KCNMA1: variants seen among roughly 807,000 people sequenced by gnomAD.
KCNMA1 encodes potassium calcium-activated channel subfamily M alpha 1.
KCNMA1 carries 29 observed loss-of-function variants against 140.0 expected under a neutral mutation model. The observed-to-expected ratio is 0.21, with a 90% confidence interval of 0.15 to 0.28. The LOEUF is 0.28. Ranked by LOEUF, KCNMA1 falls within the 10% of genes least tolerant of loss-of-function variation. The pLI is 1.00. For synonymous variants in KCNMA1, 612 were observed against 611.9 expected (o/e 1.00, Z 0.00); for missense variants, 880 against 1,602.2 (o/e 0.55, Z 7.70).
intron 19 of KCNMA1, 34 bp from the exon 20 acceptor site, chr10:76,970,101 A>T (rs1447666108): frequency 6.4e-7 from 1 of 1,551,722 alleles, no homozygotes; most frequent in Non-Finnish European, 8.9e-7. Context: ...GATTATGAAC[A>T]GTTTGAGGGC....
intron 1 of KCNMA1, among the ~76,000 whole-genome samples, chr10:77,561,727 A>C (rs2066466160): frequency 6.6e-6 from 1 of 152,188 alleles, no homozygotes; most frequent in African/African-American, 2.4e-5. Context: ...TATGCTGGAA[A>C]CTGAGCCATT....
intron 5 of KCNMA1, among the ~76,000 whole-genome samples, chr10:77,172,952 T>G (rs2098721343): frequency 6.6e-6 from 1 of 152,062 alleles, no homozygotes; most frequent in Admixed American, 6.5e-5. Flanking sequence ...GCTTCTTTCA[T>G]AAGGGCACCA....
At chr10:76,945,569 T>C (rs1292920517) in intron 22 of KCNMA1, among the ~76,000 whole-genome samples, 3 of 152,180 alleles carry the variant, frequency 2.0e-5, no homozygotes, top group African/African-American at 4.8e-5. Flanking sequence ...CTTCAGATCA[T>C]ATAATTTTAT....
intron 2 of KCNMA1, among the ~76,000 whole-genome samples, chr10:77,322,293 C>T (rs1207356201): frequency 6.6e-6 from 1 of 152,222 alleles, no homozygotes; most frequent in African/African-American, 2.4e-5. Context: ...TATTAAATCT[C>T]TCTTTACACG....
chr10:77,114,670 T>G (rs983148357), intron 6 of KCNMA1, among the ~76,000 whole-genome samples: 35 of 152,260 alleles, frequency 2.3e-4, no homozygotes, highest in African/African-American at 8.2e-4. Flanking sequence ...CTTAAAGTCG[T>G]TCCATCCATC....
chr10:77,215,357 C>T (rs1456306502), intron 3 of KCNMA1, among the ~76,000 whole-genome samples: 2 of 146,656 alleles, frequency 1.4e-5, no homozygotes, highest in South Asian at 4.3e-4. Flanking sequence ...AACATGATTA[C>T]AGATTGCACC....
chr10:77,462,800 A>G (rs2097903518), intron 1 of KCNMA1, among the ~76,000 whole-genome samples: 3 of 152,228 alleles, frequency 2.0e-5, no homozygotes, highest in Non-Finnish European at 1.5e-5. Context: ...CCTTGGGTCC[A>G]TGGGGAGAGC....
intron 23 of KCNMA1, among the ~76,000 whole-genome samples, chr10:76,918,518 T>C (rs1308160192): frequency 2.6e-5 from 4 of 152,076 alleles, no homozygotes; most frequent in African/African-American, 7.2e-5. Context: ...ATCAGGAAAA[T>C]GCAAATCAAA....
intron 3 of KCNMA1, among the ~76,000 whole-genome samples, chr10:77,240,711 A>G (rs2057050662): frequency 6.6e-6 from 1 of 152,196 alleles, no homozygotes; most frequent in African/African-American, 2.4e-5. Flanking sequence ...TAGAGCCTGC[A>G]TTTCTGCATA....
At chr10:77,267,034 C>A (rs573710419) in intron 2 of KCNMA1, among the ~76,000 whole-genome samples, 2 of 152,224 alleles carry the variant, frequency 1.3e-5, no homozygotes, top group African/African-American at 4.8e-5. Flanking sequence ...GGAGGACTCT[C>A]CAGAGAAGGG....
intron 2 of KCNMA1, among the ~76,000 whole-genome samples, chr10:77,345,402 T>G (rs1401474744): frequency 6.6e-6 from 1 of 152,156 alleles, no homozygotes; most frequent in Non-Finnish European, 1.5e-5. Context: ...AATCATGGAC[T>G]GAGTACCTTC....
intron 1 of KCNMA1, among the ~76,000 whole-genome samples, chr10:77,535,521 G>A (rs2058700419): frequency 6.6e-6 from 1 of 152,166 alleles, no homozygotes; most frequent in Admixed American, 6.5e-5. Context: ...ATTACCATAT[G>A]ATCCAGCAAT....
chr10:77,472,439 C>T (rs535226980), intron 1 of KCNMA1, among the ~76,000 whole-genome samples: 9 of 142,652 alleles, frequency 6.3e-5, no homozygotes, highest in East Asian at 2.1e-4. Context: ...ACACTATGCA[C>T]GTCACACACA....
intron 2 of KCNMA1, among the ~76,000 whole-genome samples, chr10:77,337,255 ATAT>A (rs2089406601): frequency 6.6e-6 from 1 of 152,214 alleles, no homozygotes; most frequent in South Asian, 2.1e-4. Flanking sequence ...GGGAAGACAA[ATAT>A]TTACCAAGCA....
At chr10:77,069,487 G>A (rs1050616491) in intron 14 of KCNMA1, among the ~76,000 whole-genome samples, 1 of 152,160 alleles carries the variant, frequency 6.6e-6, no homozygotes, top group Non-Finnish European at 1.5e-5. Flanking sequence ...AAGCTGTAGA[G>A]GGCATGCCTT....
At chr10:76,900,869 A>G (rs886206156) in intron 25 of KCNMA1, among the ~76,000 whole-genome samples, 2 of 144,004 alleles carry the variant, frequency 1.4e-5, no homozygotes, top group Admixed American at 1.5e-4. Context: ...AATATGTATC[A>G]AGAAATTTTA....
intron 3 of KCNMA1, among the ~76,000 whole-genome samples, chr10:77,213,934 C>T (rs1000536977): frequency 1.3e-5 from 2 of 152,110 alleles, no homozygotes; most frequent in Non-Finnish European, 2.9e-5. Flanking sequence ...TGGACACCTC[C>T]CCCGACATCC....
chr10:77,151,451 C>T (rs761637568), intron 5 of KCNMA1, among the ~76,000 whole-genome samples: 1 of 107,750 alleles, frequency 9.3e-6, no homozygotes, highest in Non-Finnish European at 1.8e-5. Flanking sequence ...TGGTCTCGAT[C>T]TCTTGACCTT....
intron 5 of KCNMA1, among the ~76,000 whole-genome samples, chr10:77,158,640 T>C (rs1004992545): frequency 6.6e-6 from 1 of 152,110 alleles, no homozygotes; most frequent in African/African-American, 2.4e-5. Context: ...AGTGGAAATC[T>C]CATTTTTGGC....
Sources: allele counts gnomAD v4.1 joint callset (sites outside exome capture counted in the v4.1 genomes callset), GRCh38; gene constraint gnomAD v4.1.1; transcripts MANE v1.5; gene names NCBI Gene and HGNC (gene_info 2026-07-23, HGNC 2026-07-21).